The following NFRKB variants were observed in gnomAD, a reference collection of about 807,000 sequenced individuals.
NFRKB encodes the protein nuclear factor related to kappa-B-binding protein.
Under a neutral mutation model 135.7 loss-of-function variants are expected in NFRKB, and 62 were observed. That is an observed-to-expected ratio of 0.46 (90% CI 0.37 to 0.56). The LOEUF is 0.56. Ranked by LOEUF, NFRKB falls within the 20% of genes least tolerant of loss-of-function variation. The pLI is 0.00. For synonymous variants in NFRKB, 678 were observed against 635.6 expected, an observed-to-expected ratio of 1.07 and a Z score of -1.00; for missense variants, 1,545 against 1,662.0, an observed-to-expected ratio of 0.93 and a Z score of 1.22.
At chr11:129,888,519 G>A in intron 4 of NFRKB, 75 bp downstream of exon 4, 2 of 1,370,736 alleles carry the variant, frequency 1.5e-6, no homozygotes. Context: ...AGAAAAGGAA[G>A]AAAGGAATAC....
At chr11:129,878,159 G>A in intron 15 of NFRKB, 150 bp downstream of exon 15, 1 of 744,310 alleles carries the variant, frequency 1.3e-6, no homozygotes, top group South Asian at 1.9e-5. Context: ...TCACTCAGGG[G>A]GTGCGGCCAA....
At chr11:129,870,949 G>A (rs1322943281) in intron 23 of NFRKB, among the ~76,000 whole-genome samples, 1 of 152,084 alleles carries the variant, frequency 6.6e-6, no homozygotes, top group African/African-American at 2.4e-5. Context: ...TTCAACTCCA[G>A]TTCTCTGCTC....
At chr11:129,892,924 T>G in intron 2 of NFRKB, 54 bp from the exon 3 acceptor site, 1 of 1,611,954 alleles carries the variant, frequency 6.2e-7, no homozygotes, top group Non-Finnish European at 8.5e-7. Context: ...AGGGATCTAG[T>G]TGATGCTAAC....
chr11:129,883,552 A>T (rs1027344263), intron 8 of NFRKB, among the ~76,000 whole-genome samples: 1 of 152,200 alleles, frequency 6.6e-6, no homozygotes, highest in African/African-American at 2.4e-5. Flanking sequence ...CAGTAACTAG[A>T]AAAGAGAGAG....
chr11:129,892,603 A>T (rs1472409841), intron 3 of NFRKB, 112 bp downstream of exon 3: 19 of 1,159,456 alleles, frequency 1.6e-5, no homozygotes, highest in Non-Finnish European at 2.2e-5. Flanking sequence ...CAATGTAGAA[A>T]ATGAACAAAA....
At position 129,876,845 on chromosome 11, in the gene NFRKB, G is replaced by A. The variant is rs951188155; in HGVS notation, c.1623C>T (p.His541=). 48 of 1,614,166 alleles carry A rather than the reference G, an allele frequency of 3.0e-5. No individual in the cohort carries two copies. The highest frequency in any genetic ancestry group is 7.7e-5 in the South Asian group (7 of 91,078). ...QPHKAFTFRM[H]GFESVVGPVK... ...CTGGCCCCACCACAGACTCAAAGCC[G>A]TGCATGCGAAAGGTGAACGCCTTAT... The change falls in exon 17 of 27, where the codon CAC becomes CAT. Residue 541 remains histidine, a synonymous_variant. Transcript: ENST00000682444.
rs547086514 is a variant in NFRKB at position 129,894,846 on chromosome 11, T to A, written c.-101-408A>T. Among the ~76,000 whole-genome samples the A allele has an allele frequency of 7.9e-5, 12 of 152,356 alleles. No individual in the cohort carries two copies. In the East Asian group the frequency reaches 2.1e-3, roughly 27 times the overall value. ...CAGAATAAAACCTTCTTAACAGAACTGGCATAGAACAGACTATCAACTGCA... is the reference window on the plus strand; with the variant it reads ...CAGAATAAAACCTTCTTAACAGAACAGGCATAGAACAGACTATCAACTGCA... On this transcript the variant is annotated intron_variant, in intron 1 of 26. Coordinates refer to ENST00000682444, the MANE Select transcript of NFRKB (RefSeq NM_001143835.2).
intron 23 of NFRKB, among the ~76,000 whole-genome samples, 171 bp from the exon 24 acceptor site, chr11:129,870,432 T>G (rs1281325007): frequency 1.3e-5 from 2 of 152,184 alleles, no homozygotes; most frequent in African/African-American, 4.8e-5. Flanking sequence ...CTTATACCCT[T>G]TCACCCAGCT....
rs1948678193 is a variant in NFRKB, at chr11:129,874,635, G to T, written c.1979-55C>A. ...GAGTTTAACCTTAGCAAACTAAAAA[G>T]AGGGGCTTTGTTAAAAACCAACACC... On this transcript the variant is annotated intron_variant, in intron 19 of 26. Transcript: ENST00000682444. This position sits in a 1 kb window ranked among gnomAD's most constrained non-coding sequence, Gnocchi z 4.5. 4 of 1,607,450 alleles carry T rather than the reference G, an allele frequency of 2.5e-6. No individual in the cohort carries two copies. The highest frequency in any genetic ancestry group is 2.5e-6 in the Non-Finnish European group (3 of 1,176,778).
At chr11:129,877,170 G>A (rs539023810) in intron 16 of NFRKB, among the ~76,000 whole-genome samples, 155 bp downstream of exon 16, 1 of 152,202 alleles carries the variant, frequency 6.6e-6, no homozygotes, top group African/African-American at 2.4e-5. Flanking sequence ...TCCCCACACC[G>A]TTTCCACCCC....
Position 129,892,715 on chromosome 11 carries a change from A to T in NFRKB, c.135T>A (p.Asp45Glu), listed in dbSNP as rs1224298260. ...RVSLPEDLLE[D>E]PEIFFDVVSL... ...AGGTCACAACCGTGTTACTACTCAC[A>T]TCCTCCAGAAGGTCCTCGGGCAGAC... Residue 45 changes from aspartate (D) to glutamate (E), a missense_variant and splice_region_variant, in exon 3 of 27, where the codon GAT becomes GAA. Asp to Glu is a conservative substitution (Grantham distance 45). Coordinates refer to ENST00000682444, the MANE Select transcript of NFRKB (RefSeq NM_001143835.2). 3.7e-6 allele frequency: 6 copies of T among 1,613,564 alleles called. No individual in the cohort carries two copies. The highest frequency in any genetic ancestry group is 3.4e-6 in the Non-Finnish European group (4 of 1,180,014).
At position 129,888,760 on chromosome 11, in the gene NFRKB, T is replaced by C. The variant is rs756848921; in HGVS notation, c.171A>G (p.Thr57=). 5.0e-6 allele frequency: 8 copies of C among 1,614,042 alleles called. No homozygotes were observed. The highest frequency in any genetic ancestry group is 3.3e-5 in the South Asian group (3 of 91,090). The part of the protein sequence containing the change: ...EIFFDVVSLS[T]WQEVLSDSQR... Reference sequence around the variant, plus strand: ...GAGAATCACTTAACACTTCCTGCCATGTTGAGAGGCTGACAACATCAAAGA... The same window carrying C: ...GAGAATCACTTAACACTTCCTGCCACGTTGAGAGGCTGACAACATCAAAGA... The change falls in exon 4 of 27, where the codon ACA becomes ACG. Residue 57 remains threonine, a synonymous_variant. Transcript: ENST00000682444.
Position 129,873,245 on chromosome 11 carries a change from G to C in NFRKB, c.2551-149C>G, listed in dbSNP as rs1049485795. 5.0e-5 allele frequency: 32 copies of C among 637,752 alleles called. No homozygotes were observed. The African/African-American group carries it at 5.1e-4, about 10-fold the overall frequency. The allele number at this position is 637,752 out of a possible 1,614,324, so 39.5% of individuals were successfully genotyped here. Reference sequence around the variant, plus strand: ...TTAAGGCACACCACTCTCTAAAATGGACACTGTAAATGTCTCATTTGTGTA... The same window carrying C: ...TTAAGGCACACCACTCTCTAAAATGCACACTGTAAATGTCTCATTTGTGTA... On this transcript the variant is annotated intron_variant, in intron 22 of 26. Transcript: ENST00000682444.
Position 129,875,456 on chromosome 11 carries a change from G to A in NFRKB, c.1755C>T (p.Asp585=), listed in dbSNP as rs369470409. The A allele has an allele frequency of 2.8e-5, 45 of 1,601,266 alleles. No homozygotes were observed. Among genetic ancestry groups the A allele is most frequent in the Admixed American group, 6.9e-5 (4 of 57,694 alleles). Reference sequence around the variant, plus strand: ...CTCCATTAGGCAGTCGAGCCGCAGCGTCCCGAACTGATGACATGAGAAAGC... The same window carrying A: ...CTCCATTAGGCAGTCGAGCCGCAGCATCCCGAACTGATGACATGAGAAAGC... ...AYVTILSLVR[D]AAARLPNGEG... is the part of the protein sequence containing the mutation. The change falls in exon 18 of 27, where the codon GAC becomes GAT. Residue 585 remains aspartate, a synonymous_variant. Transcript: ENST00000682444.
At chr11:129,885,751 A>C (rs1469734396) in intron 5 of NFRKB, 142 bp from the exon 6 acceptor site, 1 of 726,520 alleles carries the variant, frequency 1.4e-6, no homozygotes, top group East Asian at 2.8e-5. Flanking sequence ...ATGCACATAT[A>C]TATTAATATA....
At chr11:129,887,879 C>T (rs776705924) in intron 4 of NFRKB, among the ~76,000 whole-genome samples, 8 of 152,050 alleles carry the variant, frequency 5.3e-5, no homozygotes, top group Non-Finnish European at 7.4e-5. Context: ...CTACTAAAAA[C>T]ACAAAAAATT....
intron 5 of NFRKB, 71 bp from the exon 6 acceptor site, chr11:129,885,680 G>A (rs961226155): frequency 1.5e-5 from 21 of 1,429,498 alleles, no homozygotes; most frequent in Non-Finnish European, 1.9e-5. Context: ...CACTCTACAA[G>A]TCTACATTTT....
chr11:129,888,781 AAAG>A lies in NFRKB; in HGVS notation c.147_149del (p.Phe50del). The A allele has an allele frequency of 6.2e-7, 1 of 1,613,436 alleles. No individual in the cohort carries two copies. Among genetic ancestry groups the A allele is most frequent in the Non-Finnish European group, 8.5e-7 (1 of 1,179,474 alleles). ...GCCATGTTGAGAGGCTGACAACATC[AAAG>A]AAGATCTCAGGCTAGGAGAAATAGG... is the stretch of plus-strand genomic sequence containing the variant. On this transcript the variant is annotated inframe_deletion, in exon 4 of 27. Coordinates refer to ENST00000682444, the MANE Select transcript of NFRKB (RefSeq NM_001143835.2).
At chr11:129,876,923 T>C in intron 16 of NFRKB, 28 bp from the exon 17 acceptor site, 2 of 1,603,642 alleles carry the variant, frequency 1.2e-6, no homozygotes, top group Non-Finnish European at 1.7e-6. Flanking sequence ...ACAAGAGTTC[T>C]AGGTCAGAAT....
Sources: gnomAD v4.1 joint callset for allele counts (sites outside exome capture counted in the v4.1 genomes callset) on GRCh38, gnomAD v4.1.1 for gene constraint, Gnocchi (gnomAD v3.1) non-coding constraint, MANE v1.5 for transcripts, NCBI Gene and HGNC (gene_info 2026-07-23, HGNC 2026-07-21) for gene names.